The following MGAT4C variants were observed in gnomAD, a reference collection of about 807,000 sequenced individuals.
MGAT4C encodes the protein alpha-1,3-mannosyl-glycoprotein 4-beta-N-acetylglucosaminyltransferase C.
A neutral mutation model predicts 40.1 loss-of-function variants in MGAT4C; 19 were observed. The ratio of observed to expected loss-of-function variants is 0.47; its 90% CI spans 0.33 to 0.70. MGAT4C has a LOEUF of 0.70. Ranked by LOEUF, MGAT4C falls within the 30% of genes least tolerant of loss-of-function variation. The pLI is 0.02. For synonymous variants in MGAT4C, 181 were observed against 187.1 expected (o/e 0.97, Z 0.27); for missense variants, 491 against 563.2 (o/e 0.87, Z 1.30).
At chr12:86,081,834 C>T (rs144720538) in intron 1 of MGAT4C, among the ~76,000 whole-genome samples, 44 of 152,188 alleles carry the variant, frequency 2.9e-4, no homozygotes, top group African/African-American at 9.1e-4. Context: ...ATAACATTGC[C>T]GAATGTGACA....
At chr12:86,417,126 G>T (rs1383758905) in intron 3 of MGAT4C, among the ~76,000 whole-genome samples, 2 of 151,946 alleles carry the variant, frequency 1.3e-5, no homozygotes, top group Non-Finnish European at 2.9e-5. Context: ...CGGTCAACTG[G>T]TTGTTAGAAT....
intron 3 of MGAT4C, among the ~76,000 whole-genome samples, chr12:86,424,992 A>T (rs1008482262): frequency 6.6e-6 from 1 of 151,976 alleles, no homozygotes; most frequent in Non-Finnish European, 1.5e-5. Flanking sequence ...TTCTGACCTC[A>T]TGATCCACCT....
Position 86,168,315 on chromosome 12 carries a change from G to C in MGAT4C, c.-57+87924C>G, listed in dbSNP as rs1268097253. ...GTTAAATTACTGAATTACTTCTTGA[G>C]AAATTATCACCAGTAATGAAACAAA... On this transcript the variant is annotated intron_variant, in intron 1 of 4. Transcript: ENST00000611864. Among the ~76,000 whole-genome samples, 8 of 152,106 alleles carry C rather than the reference G, an allele frequency of 5.3e-5. No homozygotes were observed. In the South Asian group the frequency reaches 1.7e-3, roughly 32 times the overall value.
intron 4 of MGAT4C, among the ~76,000 whole-genome samples, chr12:86,293,056 C>T (rs199983374): frequency 1.1e-4 from 17 of 152,110 alleles, no homozygotes; most frequent in East Asian, 9.7e-4. Context: ...ATGTTCTAAA[C>T]GTTAGTACGA....
chr12:86,479,639 T>G (rs939278732), intron 2 of MGAT4C, among the ~76,000 whole-genome samples: 2 of 152,008 alleles, frequency 1.3e-5, no homozygotes, highest in African/African-American at 4.8e-5. Flanking sequence ...GATCAGTGAA[T>G]GACTATAGTT....
chr12:86,256,872 T>C (rs377404447), upstream of MGAT4C, among the ~76,000 whole-genome samples: 2 of 152,068 alleles, frequency 1.3e-5, no homozygotes, highest in Non-Finnish European at 2.9e-5. Context: ...TACAGTGAAG[T>C]TTTTAATCAA....
At chr12:85,983,724 TTAAA>T (rs1182930131) in intron 3 of MGAT4C, 54 bp from the exon 4 acceptor site, 5 of 1,369,888 alleles carry the variant, frequency 3.6e-6, no homozygotes, top group Admixed American at 2.6e-5. Context: ...TGGTCATGGA[TTAAA>T]TAAAGTTTCT....
chr12:86,546,716 G>A (rs942700249), intron 2 of MGAT4C, among the ~76,000 whole-genome samples: 2 of 151,952 alleles, frequency 1.3e-5, no homozygotes, highest in Non-Finnish European at 2.9e-5. Flanking sequence ...TAAGTACATG[G>A]ACACAAATAG....
chr12:86,124,136 T>G (rs553989462), intron 1 of MGAT4C, among the ~76,000 whole-genome samples: 144 of 152,258 alleles, frequency 9.5e-4, no homozygotes, highest in Non-Finnish European at 1.5e-3. Context: ...TTCAAAATTA[T>G]GAGTTAATTT....
At chr12:86,223,649 C>A (rs929100680) in intron 1 of MGAT4C, among the ~76,000 whole-genome samples, 1 of 152,144 alleles carries the variant, frequency 6.6e-6, no homozygotes, top group African/African-American at 2.4e-5. Flanking sequence ...CTACTGGGGG[C>A]CTGAGGACAA....
At chr12:86,008,579 AT>A (rs1258675704) in intron 2 of MGAT4C, among the ~76,000 whole-genome samples, 2 of 152,206 alleles carry the variant, frequency 1.3e-5, no homozygotes, top group African/African-American at 4.8e-5. Context: ...AGACTTCAAC[AT>A]TTTGTTGCTG....
At chr12:86,789,912 T>C (rs1198008311) in intron 1 of MGAT4C, among the ~76,000 whole-genome samples, 1 of 152,124 alleles carries the variant, frequency 6.6e-6, no homozygotes, top group Non-Finnish European at 1.5e-5. Context: ...TCACTTGACC[T>C]TTTTCAACCA....
chr12:86,169,251 G>T (rs761590750), intron 1 of MGAT4C, among the ~76,000 whole-genome samples: 1 of 152,050 alleles, frequency 6.6e-6, no homozygotes, highest in East Asian at 1.9e-4. Context: ...CCATGCAAGG[G>T]TTTCTTCATG....
intron 3 of MGAT4C, among the ~76,000 whole-genome samples, chr12:86,414,208 G>T (rs974799146): frequency 6.6e-6 from 1 of 151,930 alleles, no homozygotes; most frequent in Non-Finnish European, 1.5e-5. Flanking sequence ...GAACTAAATT[G>T]ACTATTGTGG....
chr12:86,673,603 C>T (rs1964318346), intron 2 of MGAT4C, among the ~76,000 whole-genome samples: 1 of 152,078 alleles, frequency 6.6e-6, no homozygotes, highest in African/African-American at 2.4e-5. Flanking sequence ...TTTTGCTACT[C>T]ATGTTAGGTG....
intron 4 of MGAT4C, among the ~76,000 whole-genome samples, chr12:86,273,003 T>G (rs1406360662): frequency 6.6e-6 from 1 of 152,220 alleles, no homozygotes; most frequent in Non-Finnish European, 1.5e-5. Context: ...GAAGTGTCCA[T>G]TAATTATTTC....
intron 4 of MGAT4C, among the ~76,000 whole-genome samples, chr12:86,332,247 T>C (rs969346599): frequency 1.3e-5 from 2 of 152,174 alleles, no homozygotes; most frequent in African/African-American, 4.8e-5. Context: ...ATTTTACTGA[T>C]TGCTTTCATT....
intron 2 of MGAT4C, among the ~76,000 whole-genome samples, chr12:86,613,981 G>A (rs1362242104): frequency 1.3e-5 from 2 of 152,114 alleles, no homozygotes; most frequent in Admixed American, 6.6e-5. Context: ...AGAGATACAT[G>A]AGCAGAGCAA....
chr12:86,202,340 T>C (rs1319696565), intron 1 of MGAT4C, among the ~76,000 whole-genome samples: 1 of 152,116 alleles, frequency 6.6e-6, no homozygotes, highest in East Asian at 1.9e-4. Flanking sequence ...AAAGATTGTT[T>C]AATGATGTAC....
Sources: allele counts gnomAD v4.1 joint callset (sites outside exome capture counted in the v4.1 genomes callset), GRCh38; gene constraint gnomAD v4.1.1; transcripts MANE v1.5; gene names NCBI Gene and HGNC (gene_info 2026-07-23, HGNC 2026-07-21).